The following TIMD4 variants were observed in gnomAD, a reference collection of about 807,000 sequenced individuals.
TIMD4 encodes the protein T-cell immunoglobulin and mucin domain-containing protein 4.
Under a neutral mutation model 41.2 loss-of-function variants are expected in TIMD4, and 31 were observed. The observed-to-expected ratio is 0.75, with a 90% CI of 0.57 to 1.01. The LOEUF is 1.01. TIMD4 is among the 50% of genes least tolerant of loss of function. TIMD4 has a pLI of 0.00. For synonymous variants in TIMD4, 204 were observed against 177.1 expected (o/e 1.15, Z -1.21); for missense variants, 479 against 472.5 (o/e 1.01, Z -0.13).
At chr5:156,920,093 A>AT (rs1759205730) in intron 8 of TIMD4, among the ~76,000 whole-genome samples, 1 of 152,208 alleles carries the variant, frequency 6.6e-6, no homozygotes, top group African/African-American at 2.4e-5. Context: ...AATATTCTAC[A>AT]TGCTTTTTTC....
At chr5:156,935,022 GA>G (rs1277398580) in intron 5 of TIMD4, among the ~76,000 whole-genome samples, 2 of 152,186 alleles carry the variant, frequency 1.3e-5, no homozygotes, top group African/African-American at 4.8e-5. Flanking sequence ...AGCCTTCAGA[GA>G]ACAGTTTCTT....
chr5:156,940,646 C>T (rs996728266), intron 5 of TIMD4, among the ~76,000 whole-genome samples: 2 of 151,790 alleles, frequency 1.3e-5, no homozygotes, highest in African/African-American at 4.8e-5. Context: ...CCGGCCACCA[C>T]CCCATCTGGG....
intron 5 of TIMD4, among the ~76,000 whole-genome samples, chr5:156,936,429 C>G (rs1759541199): frequency 6.6e-6 from 1 of 152,152 alleles, no homozygotes; most frequent in South Asian, 2.1e-4. Context: ...TCAGAAAATG[C>G]TCGTCAGTAG....
At chr5:156,923,056 A>C (rs989816606) in intron 6 of TIMD4, among the ~76,000 whole-genome samples, 2 of 151,670 alleles carry the variant, frequency 1.3e-5, no homozygotes, top group African/African-American at 4.8e-5. Context: ...AAAAGTTTAA[A>C]CTTTTTTTTT....
At position 156,949,699 on chromosome 5, in the gene TIMD4, T is replaced by C. The variant is rs373504079; in HGVS notation, c.712A>G (p.Ser238Gly). 28 of 1,613,382 alleles carry C rather than the reference T, an allele frequency of 1.7e-5. No homozygotes were observed. The highest frequency in any genetic ancestry group is 2.0e-5 in the Non-Finnish European group (24 of 1,179,506). ...TCAGCAGAAGTAGACTCAACACTAC[T>C]CCAGGAATCACTGGGGAGGACAGTT... ...SETVLPSDSW[S>G]SVESTSADTV... is the part of the protein sequence containing the mutation. The change falls in exon 4 of 9, where the codon AGT (serine) becomes GGT (glycine). Residue 238 changes from serine to glycine, a missense_variant. Coordinates refer to ENST00000274532, the MANE Select transcript of TIMD4 (RefSeq NM_138379.3).
chr5:156,961,327 C>T (rs1753034446), intron 1 of TIMD4, among the ~76,000 whole-genome samples: 2 of 152,258 alleles, frequency 1.3e-5, no homozygotes, highest in East Asian at 3.9e-4. Context: ...TATGGTGATT[C>T]CTTAAAAAAC....
intron 1 of TIMD4, 56 bp downstream of exon 1, chr5:156,963,085 T>A: frequency 1.3e-6 from 2 of 1,569,082 alleles, no homozygotes; most frequent in South Asian, 2.2e-5. Context: ...TGGAAATCCA[T>A]CACACAATAG....
chr5:156,951,527 G>A lies in TIMD4; in HGVS notation c.664C>T (p.Pro222Ser), dbSNP rs754879002. The A allele has an allele frequency of 6.2e-7, 1 of 1,614,148 alleles. No homozygotes were observed. Among genetic ancestry groups the A allele is most frequent in the Non-Finnish European group, 8.5e-7 (1 of 1,180,018 alleles). Reference protein sequence around the residue: ...LLTPEPSKEGPILTAESETVL... With the variant: ...LLTPEPSKEGSILTAESETVL... The stretch of plus-strand genomic sequence containing the variant: ...ATCTGCGTACCTGCAGTGAGGATGG[G>A]CCCTTCCTTAGAAGGCTCGGGAGTC... The change falls in exon 3 of 9, where the codon CCC becomes TCC. Residue 222 changes from proline (P) to serine (S), a missense_variant. Transcript: ENST00000274532.
rs1759862253 is a variant in TIMD4, at chr5:156,951,731, G to T, written c.460C>A (p.Pro154Thr). ...TTTRRTTTTSPTTTRQMTTTP... is the reference protein window; with the variant it reads ...TTTRRTTTTSTTTTRQMTTTP... Reference sequence around the variant, plus strand: ...GTTGTCATTTGTCGGGTGGTGGTGGGGCTTGTTGTTGTTGTTCTGCGTGTG... The same window carrying T: ...GTTGTCATTTGTCGGGTGGTGGTGGTGCTTGTTGTTGTTGTTCTGCGTGTG... The change falls in exon 3 of 9, where the codon CCC becomes ACC. Residue 154 changes from proline to threonine, a missense_variant. Transcript: ENST00000274532. The T allele has an allele frequency of 6.2e-7, 1 of 1,614,028 alleles. No individual in the cohort carries two copies. The highest frequency in any genetic ancestry group is 8.5e-7 in the Non-Finnish European group (1 of 1,180,006).
chr5:156,939,977 G>A (rs10067649), intron 5 of TIMD4, among the ~76,000 whole-genome samples: 2,428 of 152,260 alleles, frequency 0.016, 27 homozygotes, highest in African/African-American at 0.034. Flanking sequence ...CGTCGTCTCC[G>A]TCTCCCGCTT....
intron 6 of TIMD4, among the ~76,000 whole-genome samples, chr5:156,922,425 G>T (rs772016918): frequency 5.9e-5 from 9 of 152,204 alleles, no homozygotes; most frequent in Non-Finnish European, 1.2e-4. Flanking sequence ...GAGCTGTGGG[G>T]CTCAGGGGTC....
rs1198522846 is a variant in TIMD4, at chr5:156,963,202, G to A, written c.-4C>T. 6.2e-7 allele frequency: 1 copy of A among 1,614,148 alleles called. No homozygotes were observed. The highest frequency in any genetic ancestry group is 8.5e-7 in the Non-Finnish European group (1 of 1,179,966). On this transcript the variant is annotated 5_prime_UTR_variant, in exon 1 of 9. Coordinates refer to ENST00000274532, the MANE Select transcript of TIMD4 (RefSeq NM_138379.3). The stretch of plus-strand genomic sequence containing the variant: ...GAATGAGAGGTTCTTTGGACATTTT[G>A]ACGGTTGACCGGACCCAGGAGTCTG...
chr5:156,927,409 C>T (rs12188104), intron 5 of TIMD4, among the ~76,000 whole-genome samples: 1,924 of 152,244 alleles, frequency 0.013, 25 homozygotes, highest in Non-Finnish European at 0.02. Context: ...TGGCAAGTGG[C>T]CATGAAGAGG....
intron 8 of TIMD4, 27 bp from the exon 9 acceptor site, chr5:156,919,568 A>G: frequency 1.3e-6 from 2 of 1,584,336 alleles, no homozygotes; most frequent in Non-Finnish European, 1.7e-6. Flanking sequence ...GGGGCTCATA[A>G]TGGGAAACAC....
At chr5:156,960,689 G>A (rs1014395302) in intron 1 of TIMD4, among the ~76,000 whole-genome samples, 14 of 152,172 alleles carry the variant, frequency 9.2e-5, no homozygotes, top group Non-Finnish European at 1.5e-4. Context: ...TTATAGGCAT[G>A]AGCCACCACC....
At chr5:156,950,641 T>TG (rs1759834648) in intron 3 of TIMD4, among the ~76,000 whole-genome samples, 1 of 151,974 alleles carries the variant, frequency 6.6e-6, no homozygotes, top group East Asian at 1.9e-4. Context: ...CCCTAAGCAA[T>TG]GGAGCAAGTC....
chr5:156,921,658 C>T (rs1398397296), intron 7 of TIMD4, among the ~76,000 whole-genome samples: 1 of 138,568 alleles, frequency 7.2e-6, no homozygotes, highest in African/African-American at 2.7e-5. Context: ...AAGAAGAAAA[C>T]CAGGATTGTT....
chr5:156,948,506 A>G lies in TIMD4; in HGVS notation c.761-7T>C. Reference sequence around the variant, plus strand: ...AGATCCCAAACTTTGGACTCTTTGGAAAAACAAAGGAAAACAGAAAACAGA... The same window carrying G: ...AGATCCCAAACTTTGGACTCTTTGGGAAAACAAAGGAAAACAGAAAACAGA... On this transcript the variant is annotated splice_polypyrimidine_tract_variant and splice_region_variant and intron_variant, in intron 4 of 8. Coordinates refer to ENST00000274532, the MANE Select transcript of TIMD4 (RefSeq NM_138379.3). The G allele has an allele frequency of 6.5e-7, 1 of 1,539,128 alleles. No homozygotes were observed. The highest frequency in any genetic ancestry group is 8.7e-7 in the Non-Finnish European group (1 of 1,144,962).
intron 1 of TIMD4, among the ~76,000 whole-genome samples, chr5:156,961,382 A>C (rs969521218): frequency 2.0e-5 from 3 of 152,242 alleles, no homozygotes; most frequent in Admixed American, 2.0e-4. Context: ...ACTACTGGGG[A>C]TATATCCCAA....
Sources: gnomAD v4.1 joint callset for allele counts (sites outside exome capture counted in the v4.1 genomes callset) on GRCh38, gnomAD v4.1.1 for gene constraint, MANE v1.5 for transcripts, NCBI Gene and HGNC (gene_info 2026-07-23, HGNC 2026-07-21) for gene names.